The following GNA14 variants were observed in gnomAD, a reference collection of about 807,000 sequenced individuals.
GNA14 encodes the protein guanine nucleotide-binding protein subunit alpha-14.
In GNA14, 50 loss-of-function variants were observed where a neutral mutation model predicts 42.0. The ratio of observed to expected loss-of-function variants is 1.19; its 90% CI spans 0.95 to 1.51. GNA14 has a LOEUF of 1.51. GNA14 is among the 40% of genes most tolerant of loss of function. GNA14 has a pLI of 0.00. For missense variants in GNA14, 473 were observed against 446.2 expected, an observed-to-expected ratio of 1.06 and a Z score of -0.54; for synonymous variants, 173 against 163.1, an observed-to-expected ratio of 1.06 and a Z score of -0.46.
chr9:77,545,193 C>T (rs1251380733), intron 1 of GNA14, among the ~76,000 whole-genome samples: 1 of 152,142 alleles, frequency 6.6e-6, no homozygotes, highest in African/African-American at 2.4e-5. Flanking sequence ...AACTACAGTA[C>T]CTAAACCACC....
At chr9:77,550,927 T>C (rs1322978425) in intron 1 of GNA14, among the ~76,000 whole-genome samples, 1 of 152,234 alleles carries the variant, frequency 6.6e-6, no homozygotes, top group Non-Finnish European at 1.5e-5. Context: ...TTCCTTACTG[T>C]TATGCTATTG....
intron 1 of GNA14, among the ~76,000 whole-genome samples, chr9:77,542,960 T>C (rs2131777165): frequency 1.3e-5 from 2 of 152,218 alleles, no homozygotes; most frequent in Admixed American, 1.3e-4. Flanking sequence ...ACTGGCACAA[T>C]GTTCAGGTGG....
intron 2 of GNA14, among the ~76,000 whole-genome samples, chr9:77,502,485 C>T (rs1179614831): frequency 6.6e-6 from 1 of 152,180 alleles, no homozygotes; most frequent in Admixed American, 6.5e-5. Flanking sequence ...TGCTGGGTGA[C>T]GGTTGGGAGA....
At chr9:77,441,963 A>C (rs988596230) in intron 2 of GNA14, among the ~76,000 whole-genome samples, 1 of 152,248 alleles carries the variant, frequency 6.6e-6, no homozygotes, top group African/African-American at 2.4e-5. Flanking sequence ...AAAATAAACA[A>C]GGAACTTCTG....
At chr9:77,567,775 G>A (rs1306206313) in intron 1 of GNA14, among the ~76,000 whole-genome samples, 2 of 152,206 alleles carry the variant, frequency 1.3e-5, no homozygotes, top group Non-Finnish European at 2.9e-5. Flanking sequence ...GCTGAGACAG[G>A]AGAATCGCTT....
At chr9:77,476,518 C>T (rs930903502) in intron 2 of GNA14, among the ~76,000 whole-genome samples, 2 of 152,098 alleles carry the variant, frequency 1.3e-5, no homozygotes, top group African/African-American at 2.4e-5. Flanking sequence ...GAAACATTTG[C>T]TGTATAATTG....
intron 1 of GNA14, among the ~76,000 whole-genome samples, chr9:77,625,178 G>A (rs960754880): frequency 6.6e-6 from 1 of 151,764 alleles, no homozygotes; most frequent in African/African-American, 2.4e-5. Context: ...TCAACTTAAC[G>A]AAATAAAGCA....
At chr9:77,510,775 T>C (rs1837152460) in intron 2 of GNA14, among the ~76,000 whole-genome samples, 1 of 152,062 alleles carries the variant, frequency 6.6e-6, no homozygotes, top group South Asian at 2.1e-4. Context: ...TAGGATATAA[T>C]TAGGAGGCAG....
intron 2 of GNA14, among the ~76,000 whole-genome samples, chr9:77,471,097 A>G (rs1302939584): frequency 1.3e-5 from 2 of 152,212 alleles, no homozygotes; most frequent in Non-Finnish European, 2.9e-5. Context: ...TTGGGCGTTC[A>G]AAACTGGAGG....
intron 1 of GNA14, among the ~76,000 whole-genome samples, chr9:77,548,577 G>A (rs1260686471): frequency 2.0e-5 from 3 of 151,950 alleles, no homozygotes; most frequent in Non-Finnish European, 4.4e-5. Context: ...AAGAATAATA[G>A]GGATTCATGC....
chr9:77,475,321 C>G (rs1449488237), intron 2 of GNA14, among the ~76,000 whole-genome samples: 1 of 152,072 alleles, frequency 6.6e-6, no homozygotes. Context: ...TAATGACAAG[C>G]AGAAATAGTT....
intron 1 of GNA14, among the ~76,000 whole-genome samples, chr9:77,602,467 T>C (rs896962058): frequency 1.7e-4 from 26 of 152,340 alleles, no homozygotes; most frequent in Admixed American, 1.4e-3. Context: ...TTGTGCCTTA[T>C]ATGGATGTTA....
intron 1 of GNA14, among the ~76,000 whole-genome samples, chr9:77,640,743 A>T (rs1447853026): frequency 6.6e-6 from 1 of 151,592 alleles, no homozygotes; most frequent in Non-Finnish European, 1.5e-5. Flanking sequence ...GATTTTTTTT[A>T]AAAGATCCAG....
chr9:77,638,865 G>A (rs1824218466), intron 1 of GNA14, among the ~76,000 whole-genome samples: 1 of 152,170 alleles, frequency 6.6e-6, no homozygotes, highest in Non-Finnish European at 1.5e-5. Flanking sequence ...AGACAATGCT[G>A]GCAGATGGGC....
intron 1 of GNA14, among the ~76,000 whole-genome samples, chr9:77,537,985 A>G (rs1837617190): frequency 6.6e-6 from 1 of 151,656 alleles, no homozygotes; most frequent in Non-Finnish European, 1.5e-5. Flanking sequence ...CTTGTTGATC[A>G]ATAGTTTGCA....
intron 1 of GNA14, among the ~76,000 whole-genome samples, chr9:77,625,141 A>G (rs1372343719): frequency 6.6e-6 from 1 of 151,866 alleles, no homozygotes; most frequent in African/African-American, 2.4e-5. Context: ...TCGATCAAGC[A>G]GAAGAAAGGG....
At chr9:77,582,885 T>C (rs561388471) in intron 1 of GNA14, among the ~76,000 whole-genome samples, 1 of 152,308 alleles carries the variant, frequency 6.6e-6, no homozygotes, top group Non-Finnish European at 1.5e-5. Flanking sequence ...CTCAGGGAAC[T>C]GGGAAGTCTT....
chr9:77,501,745 C>T (rs62571537), intron 2 of GNA14, among the ~76,000 whole-genome samples: 17,492 of 133,964 alleles, frequency 0.13, 1,369 homozygotes, highest in East Asian at 0.2. Flanking sequence ...GAGTCTTGCT[C>T]TGTCACCCGG....
intron 2 of GNA14, among the ~76,000 whole-genome samples, chr9:77,448,429 T>G (rs778875379): frequency 2.0e-5 from 3 of 152,210 alleles, no homozygotes; most frequent in Admixed American, 1.3e-4. Context: ...AAAACAGGTT[T>G]TGTGTTAGAT....
Sources: allele counts gnomAD v4.1 joint callset (sites outside exome capture counted in the v4.1 genomes callset), GRCh38; gene constraint gnomAD v4.1.1; transcripts MANE v1.5; gene names NCBI Gene and HGNC (gene_info 2026-07-23, HGNC 2026-07-21).